The following C4orf50 variants were observed in gnomAD, a reference collection of about 807,000 sequenced individuals.
C4orf50 encodes uncharacterized protein C4orf50.
Under a neutral mutation model 77.2 loss-of-function variants are expected in C4orf50, and 80 were observed. The ratio of observed to expected loss-of-function variants is 1.04; its 90% confidence interval spans 0.87 to 1.25. The LOEUF (loss-of-function observed/expected upper bound fraction) is 1.25, where lower values mean the gene tolerates loss of function less well. Among genes scored for constraint, C4orf50 ranks in the 50% most tolerant of loss-of-function variants. The pLI is 0.00. For missense variants in C4orf50, 1,257 were observed against 1,152.9 expected, an observed-to-expected ratio of 1.09 and a Z score of -1.31; for synonymous variants, 532 against 465.3, an observed-to-expected ratio of 1.14 and a Z score of -1.84.
intron 7 of C4orf50, chr4:5,923,255 T>A (rs576266211): frequency 6.5e-6 from 1 of 153,914 alleles, no homozygotes; most frequent in African/African-American, 2.4e-5. Flanking sequence ...AGCTAAAGGG[T>A]GGTAGAGTTG....
intron 33 of C4orf50, among the ~76,000 whole-genome samples, chr4:5,964,624 C>T (rs1178095083): frequency 2.0e-5 from 3 of 151,706 alleles, no homozygotes; most frequent in Admixed American, 6.6e-5. Flanking sequence ...AAAAATTAGC[C>T]GGGCATGGTG....
rs181901966 is a variant in C4orf50, at chr4:5,930,821, C to T, written c.*2474+26080G>A. On this transcript the variant is annotated intron_variant, in intron 7 of 7. Coordinates refer to the C4orf50 transcript ENST00000324058. ...AGGCAGGGACCATGCTTAGATTCAC[C>T]TCTGCTGTCCATGATGCCCAGCATG... Among the ~76,000 whole-genome samples, 407 of 152,366 alleles carry T rather than the reference C, an allele frequency of 2.7e-3. 5 individuals carry two copies. Among genetic ancestry groups the T allele is most frequent in the Non-Finnish European group, 2.7e-3 (184 of 68,038 alleles).
In C4orf50 at chr4:5,908,063, T is replaced by TCA. The variant is rs1716634424; in HGVS notation, c.*2475-9876_*2475-9875insTG. Among the ~76,000 whole-genome samples, 1 of 152,082 alleles carries TCA rather than the reference T, an allele frequency of 6.6e-6. No homozygotes were observed. The highest frequency in any genetic ancestry group is 2.1e-4 in the South Asian group (1 of 4,820). ...TTCATTCATTCATTCATTCATTCAT[T>TCA]TGCTTGTTTATTCATTCACTCATTT... On this transcript the variant is annotated intron_variant, in intron 7 of 7. Transcript: ENST00000324058. This position sits in a 1 kb window ranked among gnomAD's most constrained non-coding sequence, Gnocchi z 5.6.
At chr4:5,985,263 C>T (rs1415267627) in intron 28 of C4orf50, among the ~76,000 whole-genome samples, 1 of 151,556 alleles carries the variant, frequency 6.6e-6, no homozygotes, top group Admixed American at 6.6e-5. Flanking sequence ...GAAATCAGAG[C>T]CACAGAAGAG....
At chr4:5,981,243 G>A (rs998180003) in intron 28 of C4orf50, among the ~76,000 whole-genome samples, 1 of 151,826 alleles carries the variant, frequency 6.6e-6, no homozygotes, top group African/African-American at 2.4e-5. Flanking sequence ...TAGTATATAC[G>A]CAGCCTCCTG....
At chr4:5,911,049 G>A (rs1257126355) in intron 7 of C4orf50, among the ~76,000 whole-genome samples, 1 of 151,800 alleles carries the variant, frequency 6.6e-6, no homozygotes, top group East Asian at 1.9e-4. Context: ...GGGACTACAG[G>A]TGCCCGCCAC....
intron 33 of C4orf50, among the ~76,000 whole-genome samples, chr4:5,960,369 C>T (rs1719206044): frequency 6.6e-6 from 1 of 152,220 alleles, no homozygotes; most frequent in African/African-American, 2.4e-5. Context: ...GCCTCTTCTC[C>T]CTCCTCTAAA....
In C4orf50 at chr4:6,001,836, C is replaced by T. The variant is rs188915585; in HGVS notation, c.963+6160G>A. On this transcript the variant is annotated intron_variant, in intron 25 of 33. Coordinates refer to ENST00000531445, the Ensembl canonical transcript of C4orf50. The stretch of plus-strand genomic sequence containing the variant: ...AATGTATAGCATGTCAGTGTGCCTG[C>T]GGCACTCAGCAAACACCGGGAAGGC... Among the ~76,000 whole-genome samples the T allele has an allele frequency of 4.1e-3, 632 of 152,328 alleles. 6 individuals carry two copies. The highest frequency in any genetic ancestry group is 0.014 in the African/African-American group (594 of 41,574).
At chr4:6,004,320 C>G (rs113947417) in intron 25 of C4orf50, among the ~76,000 whole-genome samples, 312 of 22,608 alleles carry the variant, frequency 0.014, 22 homozygotes, top group East Asian at 0.018. Flanking sequence ...ATGATGTGAT[C>G]GTAATGGTGA....
intron 32 of C4orf50, 139 bp downstream of exon 10, chr4:5,967,274 AG>A: frequency 2.8e-6 from 2 of 704,698 alleles, no homozygotes; most frequent in South Asian, 3.1e-5. Context: ...GGAAAGCGGG[AG>A]GGAGAGGTGG....
chr4:6,018,446 A>G lies in C4orf50; in HGVS notation c.-15T>C, dbSNP rs77976736. The stretch of plus-strand genomic sequence containing the variant: ...GTTGGCTCCATCTCAGAAATATTTC[A>G]TGGGGCAAGACTTAATAATAAAATT... On this transcript the variant is annotated 5_prime_UTR_variant, in exon 23 of 34. Coordinates refer to ENST00000531445, the Ensembl canonical transcript of C4orf50. The surrounding 1 kb of genome is among the most constrained non-coding windows in gnomAD (Gnocchi z 5.1). 6.0e-3 allele frequency: 2,406 copies of G among 398,940 alleles called. 45 individuals are homozygous for G. Among genetic ancestry groups the G allele is most frequent in the African/African-American group, 0.044 (2,146 of 48,734 alleles). The allele number at this position is 398,940 out of a possible 1,614,324, so 24.7% of individuals were successfully genotyped here. A position where few individuals can be genotyped will look rare whatever the true frequency, so the allele number is the denominator to read the frequency against.
At position 6,004,244 on chromosome 4, in the gene C4orf50, G is replaced by C. The variant is rs1182661666; in HGVS notation, c.963+3752C>G. On this transcript the variant is annotated intron_variant, in intron 25 of 33. Transcript: ENST00000531445. ...TGATGATGTGATGGTGATGATGATG[G>C]TGATGATGGTGATGGTGATGGTGGT... Among the ~76,000 whole-genome samples the C allele has an allele frequency of 9.9e-5, 7 of 71,024 alleles. No individual in the cohort carries two copies. In the South Asian group the frequency reaches 3.6e-3, roughly 37 times the overall value. The allele number at this position is 71,024 out of a possible 152,430, so 46.6% of individuals were successfully genotyped here.
chr4:6,017,245 G>A lies in C4orf50; in HGVS notation c.287+900C>T, dbSNP rs116700709. Among the ~76,000 whole-genome samples, 969 of 152,292 alleles carry A rather than the reference G, an allele frequency of 6.4e-3. 13 individuals are homozygous for A. The highest frequency in any genetic ancestry group is 0.021 in the African/African-American group (882 of 41,562). On this transcript the variant is annotated intron_variant, in intron 23 of 33. Coordinates refer to ENST00000531445, the Ensembl canonical transcript of C4orf50. The surrounding 1 kb of genome is among the most constrained non-coding windows in gnomAD (Gnocchi z 4.7). ...CAGGCAGCCTGGATTAGCAACTGCC[G>A]GAAGCCACTTCTGCCCCTGGGGCTG...
At chr4:5,982,413 G>A (rs1212357370) in intron 28 of C4orf50, among the ~76,000 whole-genome samples, 2 of 152,192 alleles carry the variant, frequency 1.3e-5, no homozygotes, top group East Asian at 1.9e-4. Flanking sequence ...CAGGGTGTAC[G>A]CTGGCCTGAG....
intron 25 of C4orf50, among the ~76,000 whole-genome samples, chr4:6,001,434 C>T (rs565462411): frequency 5.3e-5 from 8 of 152,330 alleles, no homozygotes; most frequent in Non-Finnish European, 1.2e-4. Context: ...GTTTGTTCAG[C>T]GGGTTCCTGC....
intron 7 of C4orf50, among the ~76,000 whole-genome samples, chr4:5,933,606 C>T (rs1318026012): frequency 1.3e-5 from 2 of 152,222 alleles, no homozygotes; most frequent in African/African-American, 4.8e-5. Flanking sequence ...ACTCGGCCAG[C>T]ACAGACCCTC....
chr4:5,984,962 TA>T (rs936162886), intron 28 of C4orf50, among the ~76,000 whole-genome samples: 4 of 151,956 alleles, frequency 2.6e-5, no homozygotes, highest in Admixed American at 2.6e-4. Flanking sequence ...TAGGAAATTA[TA>T]AAAGCAGTCA....
chr4:5,943,638 G>A (rs994524030), intron 7 of C4orf50, among the ~76,000 whole-genome samples: 4 of 152,144 alleles, frequency 2.6e-5, no homozygotes, highest in Non-Finnish European at 5.9e-5. Context: ...ATCAAGAGAC[G>A]CTTTACAAAC....
chr4:5,928,815 T>C (rs1486712271), intron 7 of C4orf50, among the ~76,000 whole-genome samples: 1 of 152,222 alleles, frequency 6.6e-6, no homozygotes, highest in Non-Finnish European at 1.5e-5. Context: ...GTTTTAGGTA[T>C]GCCTTAGAGA....
Sources: allele counts gnomAD v4.1 joint callset (sites outside exome capture counted in the v4.1 genomes callset), GRCh38; gene constraint gnomAD v4.1.1; non-coding constraint Gnocchi (gnomAD v3.1); transcripts MANE v1.5; gene names NCBI Gene and HGNC (gene_info 2026-07-23, HGNC 2026-07-21).